The following ATP2C1 variants were observed in gnomAD, a reference collection of about 807,000 sequenced individuals.
ATP2C1 encodes the protein calcium-transporting ATPase type 2C member 1.
A neutral mutation model predicts 120.5 loss-of-function variants in ATP2C1; 31 were observed. That is an observed-to-expected ratio of 0.26 (90% CI 0.19 to 0.35). The LOEUF (loss-of-function observed/expected upper bound fraction) is 0.35, where lower values mean the gene tolerates loss of function less well. Among genes scored for constraint, ATP2C1 ranks in the 10% least tolerant of loss-of-function variants. The probability of loss-of-function intolerance (pLI) is 1.00; values close to 1 mark genes in which losing one functional copy is unlikely to be tolerated. For synonymous variants in ATP2C1, 351 were observed against 358.7 expected, an observed-to-expected ratio of 0.98 and a Z score of 0.24; for missense variants, 731 against 1,107.5, an observed-to-expected ratio of 0.66 and a Z score of 4.83.
intron 1 of ATP2C1, among the ~76,000 whole-genome samples, chr3:130,857,030 A>T (rs1340046829): frequency 6.6e-6 from 1 of 152,212 alleles, no homozygotes; most frequent in Non-Finnish European, 1.5e-5. Context: ...AGGAATTTGT[A>T]TAATTATATA....
intron 1 of ATP2C1, among the ~76,000 whole-genome samples, chr3:130,883,915 T>TTTTC (rs200518672): frequency 3.3e-5 from 5 of 150,300 alleles, no homozygotes; most frequent in Admixed American, 1.3e-4. Context: ...TCTTAATTTC[T>TTTTC]TTTCTTTCTT....
intron 14 of ATP2C1, 42 bp downstream of exon 14, chr3:130,965,087 T>C: frequency 7.2e-7 from 1 of 1,396,316 alleles, no homozygotes; most frequent in Non-Finnish European, 1.0e-6. Flanking sequence ...ACAGTATCCC[T>C]TTAAGAAACT....
chr3:131,002,231 A>T lies in ATP2C1; in HGVS notation c.*881A>T. The T allele has an allele frequency of 1.0e-6, 1 of 967,272 alleles. No individual in the cohort carries two copies. Among genetic ancestry groups the T allele is most frequent in the Non-Finnish European group, 1.2e-6 (1 of 813,416 alleles). The allele number at this position is 967,272 out of a possible 1,614,324, so 59.9% of individuals were successfully genotyped here. ...GTCAAATATCATTTTGTCATCCTCT[A>T]AATATAAATCCAAATACCTCAGCTA... On this transcript the variant is annotated 3_prime_UTR_variant, in exon 28 of 28. Coordinates refer to ENST00000510168, the MANE Select transcript of ATP2C1 (RefSeq NM_001378687.1).
intron 2 of ATP2C1, among the ~76,000 whole-genome samples, chr3:130,922,599 ACCTTTCCTCTTAGCACTG>A (rs1457051252): frequency 6.6e-6 from 1 of 152,026 alleles, no homozygotes; most frequent in Non-Finnish European, 1.5e-5. Context: ...TAATGCTGTG[ACCTTTCCTCTTAGCACTG>A]CTTTTGCTCT....
chr3:131,016,027 GTTTTTT>G lies in ATP2C1; in HGVS notation c.2630-121_2630-116del, dbSNP rs749416372. On this transcript the variant is annotated intron_variant, in intron 26 of 26. Transcript: ENST00000328560. ...CTCAAAATCAATTACATTAAGATTA[GTTTTTT>G]TTTGTTTTGGTTTTTTTTTTTAAGT... 3 of 1,226,372 alleles carry G rather than the reference GTTTTTT, an allele frequency of 2.4e-6. No individual in the cohort carries two copies. In the East Asian group the frequency reaches 8.1e-5, roughly 33 times the overall value. The allele number at this position is 1,226,372 out of a possible 1,614,324, so 76.0% of individuals were successfully genotyped here.
chr3:130,896,932 A>T (rs371714357), intron 2 of ATP2C1, among the ~76,000 whole-genome samples: 2 of 152,214 alleles, frequency 1.3e-5, no homozygotes, highest in Admixed American at 6.5e-5. Flanking sequence ...GGCTTTGTGC[A>T]TATTAAAGTT....
chr3:130,980,650 G>A lies in ATP2C1; in HGVS notation c.1810G>A (p.Val604Ile), dbSNP rs1415823940. Residue 604 changes from valine (V) to isoleucine (I), a missense_variant, in exon 20 of 28, where the codon GTT becomes ATT. This residue lies in a region of ATP2C1 where 571 missense variants were observed against 845.9 expected (regional missense o/e 0.67). Transcript: ENST00000510168. The part of the protein sequence containing the change: ...VSGEEIDAMD[V>I]QQLSQIVPKV... ...AGGAGAAGAAATAGATGCAATGGAT[G>A]TTCAGCAGCTTTCACAAATAGTACC... The A allele has an allele frequency of 6.2e-7, 1 of 1,613,256 alleles. No individual in the cohort carries two copies. Among genetic ancestry groups the A allele is most frequent in the African/African-American group, 1.3e-5 (1 of 74,978 alleles).
chr3:130,974,132 T>G (rs2061445143), intron 17 of ATP2C1, among the ~76,000 whole-genome samples: 1 of 152,188 alleles, frequency 6.6e-6, no homozygotes, highest in Non-Finnish European at 1.5e-5. Context: ...GAGAAGGGTT[T>G]TATATTACAT....
At chr3:130,994,179 G>A in intron 22 of ATP2C1, 81 bp downstream of exon 22, 1 of 1,525,374 alleles carries the variant, frequency 6.6e-7, no homozygotes. Flanking sequence ...AATTCAACTG[G>A]AAAAGAATTA....
intron 10 of ATP2C1, among the ~76,000 whole-genome samples, chr3:130,955,440 A>G (rs1354075213): frequency 1.3e-5 from 2 of 152,240 alleles, no homozygotes; most frequent in Non-Finnish European, 2.9e-5. Flanking sequence ...TCAACTTCAC[A>G]TAATTCCAAG....
At position 130,930,335 on chromosome 3, in the gene ATP2C1, A is replaced by G. The variant is rs1553760992; in HGVS notation, c.7-81A>G. The G allele has an allele frequency of 4.4e-6, 4 of 903,146 alleles. No individual in the cohort carries two copies. In the East Asian group the frequency reaches 7.7e-5, roughly 17 times the overall value. 55.9% of individuals were successfully genotyped at this position (903,146 alleles called of 1,614,324 possible). A position where few individuals can be genotyped will look rare whatever the true frequency, so the allele number is the denominator to read the frequency against. On this transcript the variant is annotated intron_variant, in intron 2 of 27. Coordinates refer to ENST00000510168, the MANE Select transcript of ATP2C1 (RefSeq NM_001378687.1). ...CTAACTGGAAAATTAGTTGCTGTGA[A>G]CTTTTGGATTTTTATTATTCTAGAC...
intron 1 of ATP2C1, among the ~76,000 whole-genome samples, chr3:130,880,167 G>A (rs1003262718): frequency 1.3e-5 from 2 of 152,062 alleles, no homozygotes; most frequent in African/African-American, 2.4e-5. Context: ...CACCTCAAAG[G>A]GCCTGGTGTC....
chr3:130,949,266 A>G (rs1428600454), intron 8 of ATP2C1, among the ~76,000 whole-genome samples: 2 of 152,228 alleles, frequency 1.3e-5, no homozygotes, highest in Non-Finnish European at 2.9e-5. Context: ...CAGTGAACAC[A>G]CAAATGATAA....
chr3:130,919,439 G>A (rs559147860), intron 2 of ATP2C1, among the ~76,000 whole-genome samples: 2 of 151,880 alleles, frequency 1.3e-5, no homozygotes, highest in East Asian at 1.9e-4. Flanking sequence ...GGCTGTTGTC[G>A]AACTCCTTAC....
chr3:130,938,795 T>C (rs988124509), intron 6 of ATP2C1, among the ~76,000 whole-genome samples: 6 of 152,140 alleles, frequency 3.9e-5, no homozygotes, highest in African/African-American at 1.4e-4. Flanking sequence ...ATATGTGGAG[T>C]GCCCTACTTC....
At chr3:130,981,371 A>G (rs763852562) in intron 20 of ATP2C1, among the ~76,000 whole-genome samples, 2 of 152,124 alleles carry the variant, frequency 1.3e-5, no homozygotes, top group Non-Finnish European at 2.9e-5. Context: ...GGTTGTGTGT[A>G]TTAGTAGTTT....
chr3:131,002,436 C>T lies in ATP2C1; in HGVS notation c.*1086C>T. The T allele has an allele frequency of 1.0e-6, 1 of 985,352 alleles. No individual in the cohort carries two copies. Among genetic ancestry groups the T allele is most frequent in the Non-Finnish European group, 1.2e-6 (1 of 829,910 alleles). The allele number at this position is 985,352 out of a possible 1,614,324, so 61.0% of individuals were successfully genotyped here. On this transcript the variant is annotated 3_prime_UTR_variant, in exon 28 of 28. Coordinates refer to ENST00000510168, the MANE Select transcript of ATP2C1 (RefSeq NM_001378687.1). Reference sequence around the variant, plus strand: ...CTGTGTGCATCTGAAGCTTCTTTGGCCTAGATTTTAGCACAAACCTGAGTA... The same window carrying T: ...CTGTGTGCATCTGAAGCTTCTTTGGTCTAGATTTTAGCACAAACCTGAGTA...
intron 1 of ATP2C1, among the ~76,000 whole-genome samples, chr3:130,864,767 T>A (rs1378489777): frequency 1.3e-5 from 2 of 152,118 alleles, no homozygotes; most frequent in Admixed American, 1.3e-4. Flanking sequence ...TGCACTGAAG[T>A]CAAGAATTGA....
At chr3:130,886,798 C>G (rs1235550218) in intron 1 of ATP2C1, among the ~76,000 whole-genome samples, 4 of 152,188 alleles carry the variant, frequency 2.6e-5, no homozygotes, top group Non-Finnish European at 5.9e-5. Context: ...TTTGAATTCT[C>G]TGTCTGAAAG....
Sources: gnomAD v4.1 joint callset for allele counts (sites outside exome capture counted in the v4.1 genomes callset) on GRCh38, gnomAD v4.1.1 for gene constraint, gnomAD v4.1.1 regional missense constraint, MANE v1.5 for transcripts, NCBI Gene and HGNC (gene_info 2026-07-23, HGNC 2026-07-21) for gene names.